The following IRF6 variants were observed in gnomAD, a reference collection of about 807,000 sequenced individuals.
IRF6 encodes the protein interferon regulatory factor 6.
A neutral mutation model predicts 51.4 loss-of-function variants in IRF6; 6 were observed. The ratio of observed to expected loss-of-function variants is 0.12; its 90% CI spans 0.06 to 0.23. The LOEUF (loss-of-function observed/expected upper bound fraction) is 0.23. IRF6 is among the 10% of genes least tolerant of loss of function. IRF6 has a pLI of 1.00. For synonymous variants in IRF6, 178 were observed against 215.7 expected (o/e 0.83, Z 1.53); for missense variants, 348 against 585.2 (o/e 0.59, Z 4.18).
intron 1 of IRF6, among the ~76,000 whole-genome samples, chr1:209,803,347 C>CA (rs1383837342): frequency 2.0e-5 from 3 of 152,178 alleles, no homozygotes; most frequent in African/African-American, 7.2e-5. Flanking sequence ...TTGGGCCTGT[C>CA]AGACATTAAA....
intron 3 of IRF6, among the ~76,000 whole-genome samples, chr1:209,798,545 C>A (rs1422140309): frequency 7.2e-5 from 11 of 152,164 alleles, no homozygotes; most frequent in African/African-American, 2.7e-4. Context: ...TCCCCAGGAC[C>A]CACCCAGATT....
At chr1:209,795,474 G>C in intron 4 of IRF6, 56 bp from the exon 5 acceptor site, 1 of 1,609,542 alleles carries the variant, frequency 6.2e-7, no homozygotes, top group South Asian at 1.1e-5. Context: ...TGCCACCCCT[G>C]CAGCTGACCC....
At chr1:209,800,485 A>C (rs2077933955) in intron 3 of IRF6, among the ~76,000 whole-genome samples, 1 of 152,216 alleles carries the variant, frequency 6.6e-6, no homozygotes, top group Non-Finnish European at 1.5e-5. Flanking sequence ...TGCCAGGTGC[A>C]GTGGCTTATG....
chr1:209,795,551 G>T, intron 4 of IRF6, 133 bp from the exon 5 acceptor site: 1 of 1,338,000 alleles, frequency 7.5e-7, no homozygotes, highest in Non-Finnish European at 1.0e-6. Flanking sequence ...CAATGTCCTA[G>T]CTAAAAAGAG....
rs766807938 is a variant in IRF6, at chr1:209,792,363, C to T, written c.573G>A (p.Val191=). The change falls in exon 6 of 9, where the codon GTG becomes GTA. Residue 191 remains valine (V), a synonymous_variant. Transcript: ENST00000367021. The stretch of plus-strand genomic sequence containing the variant: ...TCTCCAGGGGTTCAGTTTTGGGCCA[C>T]ACTGCCTCCGGGCTGCAGTTGCCCA... ...CSVGNCSPEA[V]WPKTEPLEME... 3 of 1,614,230 alleles carry T rather than the reference C, an allele frequency of 1.9e-6. No homozygotes were observed. In the South Asian group the frequency reaches 3.3e-5, roughly 18 times the overall value.
chr1:209,806,069 G>GGACT lies in IRF6; in HGVS notation c.-202_-199dup, dbSNP rs1254717662. On this transcript the variant is annotated 5_prime_UTR_variant, in exon 1 of 9. Transcript: ENST00000367021. The stretch of plus-strand genomic sequence containing the variant: ...GGGGCGCCTGGCTCTACCCAAGTAG[G>GGACT]GACTGCAGGTTCCTCTCCCCGTCCC... 6.6e-6 allele frequency: 1 copy of GGACT among 152,410 alleles called. No individual in the cohort carries two copies. The highest frequency in any genetic ancestry group is 6.5e-5 in the Admixed American group (1 of 15,288). The allele number at this position is 152,410 out of a possible 1,614,324, so 9.4% of individuals were successfully genotyped here. A position where few individuals can be genotyped will look rare whatever the true frequency, so the allele number is the denominator to read the frequency against.
rs772238833 is a variant in IRF6, at chr1:209,792,339, C to A, written c.597G>T (p.Glu199Asp). The A allele has an allele frequency of 6.2e-7, 1 of 1,614,240 alleles. No homozygotes were observed. The highest frequency in any genetic ancestry group is 8.5e-7 in the Non-Finnish European group (1 of 1,180,026). Residue 199 changes from glutamate to aspartate, a missense_variant, in exon 6 of 9, where the codon GAG (glutamate) becomes GAT (aspartate). Physicochemically the swap from Glu to Asp is conservative, Grantham distance 45. This residue lies in a region of IRF6 where 124 missense variants were observed against 141.6 expected (regional missense o/e 0.88). Transcript: ENST00000367021. ...GTATAGGTGCCTGGGGTACTTCCAT[C>A]TCCAGGGGTTCAGTTTTGGGCCACA... is the stretch of plus-strand genomic sequence containing the variant. Reference protein sequence around the residue: ...EAVWPKTEPLEMEVPQAPIQP... With the variant: ...EAVWPKTEPLDMEVPQAPIQP...
At chr1:209,801,645 T>C (rs763442970) in intron 2 of IRF6, among the ~76,000 whole-genome samples, 12 of 152,228 alleles carry the variant, frequency 7.9e-5, no homozygotes, top group Non-Finnish European at 1.5e-4. Flanking sequence ...AAATCAGACT[T>C]ATCAGCTAAG....
At chr1:209,792,822 G>A (rs1422040637) in intron 5 of IRF6, 2 of 271,670 alleles carry the variant, frequency 7.4e-6, no homozygotes, top group Non-Finnish European at 1.4e-5. Flanking sequence ...CTTCGAGTAA[G>A]TGTTAATGCA....
In IRF6 at chr1:209,795,408, C is replaced by T. The variant is rs34907424; in HGVS notation, c.390G>A (p.Gly130=). The change falls in exon 5 of 9, where the codon GGG becomes GGA. Residue 130 remains glycine (G), a synonymous_variant. Coordinates refer to ENST00000367021, the MANE Select transcript of IRF6 (RefSeq NM_006147.4). ...TATCCTTCTCATCCCAGGGAGCAGACCCTGTGGATCCTACCCAAGATACAC... is the reference window on the plus strand; with the variant it reads ...TATCCTTCTCATCCCAGGGAGCAGATCCTGTGGATCCTACCCAAGATACAC... ...QGSIINPGST[G]SAPWDEKDND... The T allele has an allele frequency of 4.5e-5, 73 of 1,614,094 alleles. No homozygotes were observed. The African/African-American group carries it at 8.8e-4, about 19-fold the overall frequency.
At chr1:209,789,855 T>TATG (rs1353343617) in intron 7 of IRF6, 70 bp from the exon 8 acceptor site, 1 of 1,030,380 alleles carries the variant, frequency 9.7e-7, no homozygotes. Flanking sequence ...TACCATCTTT[T>TATG]ATGCTGTCCA....
Position 209,790,365 on chromosome 1 carries a change from C to T in IRF6, c.1060+130G>A. 1 of 1,057,018 alleles carries T rather than the reference C, an allele frequency of 9.5e-7. No individual in the cohort carries two copies. The highest frequency in any genetic ancestry group is 1.4e-6 in the Non-Finnish European group (1 of 696,046). The allele number at this position is 1,057,018 out of a possible 1,614,324, so 65.5% of individuals were successfully genotyped here. A position where few individuals can be genotyped will look rare whatever the true frequency, so the allele number is the denominator to read the frequency against. Reference sequence around the variant, plus strand: ...GAACCAAAGTTCTGTTCTCCCTTGACCTCCTCCAGACTAAATTTTTTAAGA... The same window carrying T: ...GAACCAAAGTTCTGTTCTCCCTTGATCTCCTCCAGACTAAATTTTTTAAGA... On this transcript the variant is annotated intron_variant, in intron 7 of 8. Transcript: ENST00000367021. This position sits in a 1 kb window ranked among gnomAD's most constrained non-coding sequence, Gnocchi z 4.8.
intron 7 of IRF6, 138 bp from the exon 8 acceptor site, chr1:209,789,923 G>C: frequency 1.4e-6 from 1 of 700,626 alleles, no homozygotes; most frequent in Non-Finnish European, 2.6e-6. Flanking sequence ...AACAGTTCCT[G>C]GGTCACATTA....
At chr1:209,794,370 T>C (rs954573687) in intron 5 of IRF6, among the ~76,000 whole-genome samples, 1 of 152,214 alleles carries the variant, frequency 6.6e-6, no homozygotes, top group African/African-American at 2.4e-5. Context: ...TCTATGAAAC[T>C]TCTCTTTACC....
rs1199752447 is a variant in IRF6, at chr1:209,796,281, A to G, written c.379+67T>C. ...AAATCAGGCTGTTTTCAAGTTGACTATCTCTTAAGAGTGCAGCCCAGAATC... is the reference window on the plus strand; with the variant it reads ...AAATCAGGCTGTTTTCAAGTTGACTGTCTCTTAAGAGTGCAGCCCAGAATC... On this transcript the variant is annotated intron_variant, in intron 4 of 8. Transcript: ENST00000367021. The surrounding 1 kb of genome is among the most constrained non-coding windows in gnomAD (Gnocchi z 4.5). 6.0e-6 allele frequency: 8 copies of G among 1,324,360 alleles called. No individual in the cohort carries two copies. Among genetic ancestry groups the G allele is most frequent in the African/African-American group, 4.3e-5 (3 of 69,244 alleles). 82.0% of individuals were successfully genotyped at this position (1,324,360 alleles called of 1,614,324 possible). A position where few individuals can be genotyped will look rare whatever the true frequency, so the allele number is the denominator to read the frequency against.
At chr1:209,797,856 G>A (rs915215809) in intron 3 of IRF6, among the ~76,000 whole-genome samples, 2 of 152,112 alleles carry the variant, frequency 1.3e-5, no homozygotes, top group African/African-American at 2.4e-5. Context: ...TTCTGATGCC[G>A]AAAAAGTAGG....
chr1:209,794,290 T>C (rs1222498576), intron 5 of IRF6, among the ~76,000 whole-genome samples: 3 of 152,206 alleles, frequency 2.0e-5, no homozygotes, highest in Non-Finnish European at 4.4e-5. Flanking sequence ...GGTATTTCAT[T>C]GTGGTTTCGA....
chr1:209,792,719 G>GT, intron 5 of IRF6: 1 of 462,922 alleles, frequency 2.2e-6, no homozygotes, highest in Non-Finnish European at 4.0e-6. Context: ...ATTACAAGGA[G>GT]TAAGACATTC....
At position 209,790,634 on chromosome 1, in the gene IRF6, G is replaced by T. The variant is rs750815592; in HGVS notation, c.921C>A (p.Ser307Arg). The change falls in exon 7 of 9, where the codon AGC becomes AGA. Residue 307 changes from serine (S) to arginine (R), a missense_variant. By Grantham distance (110) the Ser-to-Arg change is moderately radical (BLOSUM62 -1). This residue lies in a region of IRF6 where 125 missense variants were observed against 222.0 expected (regional missense o/e 0.56). Coordinates refer to ENST00000367021, the MANE Select transcript of IRF6 (RefSeq NM_006147.4). The surrounding 1 kb of genome is among the most constrained non-coding windows in gnomAD (Gnocchi z 4.8). ...GCCTGATGGCATAAATGGCATGACC[G>T]CTGACCTCCAGGATCAGTCCTCTGT... ...VMDRGLILEV[S>R]GHAIYAIRLC... is the part of the protein sequence containing the mutation. The T allele has an allele frequency of 6.2e-7, 1 of 1,614,204 alleles. No individual in the cohort carries two copies. The highest frequency in any genetic ancestry group is 2.2e-5 in the East Asian group (1 of 44,892).
Sources: allele counts gnomAD v4.1 joint callset (sites outside exome capture counted in the v4.1 genomes callset), GRCh38; gene constraint gnomAD v4.1.1; regional missense constraint gnomAD v4.1.1; non-coding constraint Gnocchi (gnomAD v3.1); transcripts MANE v1.5; gene names NCBI Gene and HGNC (gene_info 2026-07-23, HGNC 2026-07-21).